The following CFAP299 variants were observed in gnomAD, a reference collection of about 807,000 sequenced individuals.
The protein encoded by CFAP299 is cilia- and flagella-associated protein 299.
A neutral mutation model predicts 27.0 loss-of-function variants in CFAP299; 21 were observed. The ratio of observed to expected loss-of-function variants is 0.78; its 90% confidence interval spans 0.55 to 1.12. The LOEUF is 1.12. Among genes scored for constraint, CFAP299 ranks in the 50% most tolerant of loss-of-function variants. The pLI, the probability that CFAP299 is intolerant of heterozygous loss-of-function variation, is 0.00. For missense variants in CFAP299, 310 were observed against 276.6 expected (o/e 1.12, Z -0.86); for synonymous variants, 104 against 98.1 (o/e 1.06, Z -0.36).
intron 2 of CFAP299, among the ~76,000 whole-genome samples, chr4:80,467,535 T>C (rs1327103291): frequency 6.6e-6 from 1 of 152,214 alleles, no homozygotes; most frequent in Admixed American, 6.5e-5. Flanking sequence ...CTTAATTCCT[T>C]GCCTTGCCCC....
chr4:80,856,979 G>A (rs1233868062), intron 3 of CFAP299, among the ~76,000 whole-genome samples: 2 of 151,544 alleles, frequency 1.3e-5, no homozygotes, highest in Admixed American at 6.6e-5. Flanking sequence ...CATTGAATCT[G>A]TAAATTACCT....
At chr4:80,321,648 A>C in the CFAP299 span, among the ~76,000 whole-genome samples, 8 of 152,288 alleles carry the variant, frequency 5.3e-5, no homozygotes, top group East Asian at 1.9e-4. Flanking sequence ...TACAAAACAC[A>C]TGGGGAGCTG....
At chr4:80,891,719 A>G (rs1734287890) in intron 4 of CFAP299, among the ~76,000 whole-genome samples, 1 of 122,616 alleles carries the variant, frequency 8.2e-6, no homozygotes, top group Non-Finnish European at 1.7e-5. Context: ...TACATATGTA[A>G]CTAACCTGCA....
At chr4:80,386,902 G>A (rs1215574943) in intron 2 of CFAP299, 1 of 841,956 alleles carries the variant, frequency 1.2e-6, no homozygotes, top group Non-Finnish European at 2.1e-6. Context: ...CATTTGTAGG[G>A]CTTCTCGCCT....
At chr4:80,812,534 C>G (rs1729209729) in intron 3 of CFAP299, among the ~76,000 whole-genome samples, 1 of 152,080 alleles carries the variant, frequency 6.6e-6, no homozygotes, top group Non-Finnish European at 1.5e-5. Flanking sequence ...CATTTATTTA[C>G]TTACTAAGTA....
At chr4:80,751,189 G>A (rs570673109) in intron 3 of CFAP299, among the ~76,000 whole-genome samples, 2 of 152,040 alleles carry the variant, frequency 1.3e-5, no homozygotes, top group African/African-American at 2.4e-5. Flanking sequence ...TTTGAATGAG[G>A]TTTTCCTGGG....
At chr4:80,609,125 A>G (rs1225778116) in intron 3 of CFAP299, among the ~76,000 whole-genome samples, 1 of 152,076 alleles carries the variant, frequency 6.6e-6, no homozygotes, top group African/African-American at 2.4e-5. Flanking sequence ...GGGCTTTAGT[A>G]TACATATATT....
At chr4:80,943,916 A>T (rs1017910273) in intron 4 of CFAP299, among the ~76,000 whole-genome samples, 4 of 152,006 alleles carry the variant, frequency 2.6e-5, no homozygotes, top group African/African-American at 9.7e-5. Flanking sequence ...AAATACAAAA[A>T]TTAGCTGAGC....
At chr4:80,322,632 A>T in the CFAP299 span, among the ~76,000 whole-genome samples, 2 of 152,340 alleles carry the variant, frequency 1.3e-5, no homozygotes, top group African/African-American at 4.8e-5. Context: ...ACTATTATTG[A>T]AATCTTAAGA....
At chr4:80,929,810 T>C (rs1578246416) in intron 4 of CFAP299, among the ~76,000 whole-genome samples, 2 of 152,198 alleles carry the variant, frequency 1.3e-5, no homozygotes, top group Admixed American at 6.5e-5. Flanking sequence ...GTTCATATTG[T>C]TTGATGTGGT....
intron 3 of CFAP299, among the ~76,000 whole-genome samples, chr4:80,779,661 C>T (rs948791222): frequency 2.0e-5 from 3 of 151,930 alleles, no homozygotes; most frequent in Non-Finnish European, 2.9e-5. Flanking sequence ...TCAGCCTCTT[C>T]CAACCCTGTC....
At chr4:80,705,859 T>C (rs568533049) in intron 3 of CFAP299, among the ~76,000 whole-genome samples, 1 of 152,052 alleles carries the variant, frequency 6.6e-6, no homozygotes, top group African/African-American at 2.4e-5. Flanking sequence ...GGAACATTGT[T>C]GTGATTAACA....
intron 3 of CFAP299, among the ~76,000 whole-genome samples, chr4:80,840,506 A>AT (rs972496293): frequency 7.9e-5 from 12 of 152,040 alleles, no homozygotes; most frequent in Non-Finnish European, 1.8e-4. Flanking sequence ...CACATTTATT[A>AT]TTTTTTTATC....
At chr4:80,921,527 A>G (rs1357888465) in intron 4 of CFAP299, among the ~76,000 whole-genome samples, 1 of 152,062 alleles carries the variant, frequency 6.6e-6, no homozygotes, top group Non-Finnish European at 1.5e-5. Flanking sequence ...AGGTATATGA[A>G]AGGGAAACTA....
At chr4:80,502,826 A>C (rs1731809362) in intron 2 of CFAP299, among the ~76,000 whole-genome samples, 1 of 152,056 alleles carries the variant, frequency 6.6e-6, no homozygotes. Flanking sequence ...ATAACTTCCC[A>C]TTTTATGTGA....
intron 4 of CFAP299, among the ~76,000 whole-genome samples, chr4:80,879,959 C>A (rs78641967): frequency 1.3e-5 from 2 of 152,166 alleles, no homozygotes; most frequent in South Asian, 4.1e-4. Context: ...ATCATTCATG[C>A]ATTTGGAGGT....
intron 1 of CFAP299, among the ~76,000 whole-genome samples, chr4:80,341,550 C>A: frequency 6.6e-6 from 1 of 152,294 alleles, no homozygotes; most frequent in East Asian, 1.9e-4. Flanking sequence ...AAAACCGAGG[C>A]ACCTAGGGTC....
At chr4:80,712,905 C>T (rs1036696233) in intron 3 of CFAP299, among the ~76,000 whole-genome samples, 3 of 152,136 alleles carry the variant, frequency 2.0e-5, no homozygotes, top group African/African-American at 7.2e-5. Flanking sequence ...TCCATTTCCT[C>T]ATCTCTCTTA....
intron 4 of CFAP299, among the ~76,000 whole-genome samples, chr4:80,897,046 A>G (rs565496362): frequency 2.2e-4 from 34 of 152,328 alleles, no homozygotes; most frequent in Admixed American, 1.4e-3. Flanking sequence ...CATTACAAAT[A>G]TCAGCAGAAA....
Sources: allele counts gnomAD v4.1 joint callset (sites outside exome capture counted in the v4.1 genomes callset), GRCh38; gene constraint gnomAD v4.1.1; transcripts MANE v1.5; gene names NCBI Gene and HGNC (gene_info 2026-07-23, HGNC 2026-07-21).